LNPEP: variants seen among roughly 807,000 people sequenced by gnomAD.
The protein encoded by LNPEP is leucyl and cystinyl aminopeptidase, also known as leucyl-cystinyl aminopeptidase.
LNPEP carries 64 observed loss-of-function variants against 120.6 expected under a neutral mutation model. The observed-to-expected ratio is 0.53, with a 90% CI of 0.43 to 0.65. The LOEUF is 0.65. Ranked by LOEUF, LNPEP falls within the 30% of genes least tolerant of loss-of-function variation. LNPEP has a pLI of 0.00. For missense variants in LNPEP, 1,057 were observed against 1,200.0 expected (o/e 0.88, Z 1.76); for synonymous variants, 435 against 425.4 (o/e 1.02, Z -0.28).
intron 7 of LNPEP, among the ~76,000 whole-genome samples, chr5:96,996,717 A>C (rs1457056729): frequency 6.6e-6 from 1 of 152,132 alleles, no homozygotes; most frequent in Non-Finnish European, 1.5e-5. Flanking sequence ...AACTGAAATT[A>C]TATAAGATTA....
chr5:97,010,757 A>G (rs2112653906), intron 11 of LNPEP: 1 of 985,354 alleles, frequency 1.0e-6, no homozygotes, highest in South Asian at 4.7e-5. Context: ...TAATCTGTTG[A>G]TGACTATAGT....
chr5:96,984,657 T>C (rs181988039), intron 2 of LNPEP, among the ~76,000 whole-genome samples: 196 of 152,374 alleles, frequency 1.3e-3, no homozygotes, highest in African/African-American at 4.6e-3. Flanking sequence ...GCTTTTAATA[T>C]TTAACTTAAC....
At chr5:97,025,716 A>T (rs533992868) in intron 15 of LNPEP, among the ~76,000 whole-genome samples, 3 of 152,222 alleles carry the variant, frequency 2.0e-5, no homozygotes, top group African/African-American at 7.2e-5. Flanking sequence ...TTTAAAAACC[A>T]TATTAGGTTT....
Position 96,993,969 on chromosome 5 carries a change from C to G in LNPEP, c.1405C>G (p.Gln469Glu). The G allele has an allele frequency of 6.2e-7, 1 of 1,613,488 alleles. No individual in the cohort carries two copies. Among genetic ancestry groups the G allele is most frequent in the Non-Finnish European group, 8.5e-7 (1 of 1,179,556 alleles). ...AATCATTGCTCATGAGCTGGCCCAC[C>G]AGGTATTAGCAACCAAGGCTGTTCT... Reference protein sequence around the residue: ...TKIIAHELAHQWFGNLVTMKW... With the variant: ...TKIIAHELAHEWFGNLVTMKW... Residue 469 changes from glutamine to glutamate, a missense_variant and splice_region_variant, in exon 6 of 18, where the codon CAG (glutamine) becomes GAG (glutamate). By Grantham distance (29) the Gln-to-Glu change is conservative (BLOSUM62 2). Transcript: ENST00000231368.
At chr5:96,981,027 A>G (rs1357411674) in intron 2 of LNPEP, among the ~76,000 whole-genome samples, 1 of 152,168 alleles carries the variant, frequency 6.6e-6, no homozygotes, top group Non-Finnish European at 1.5e-5. Context: ...CAAATGTATA[A>G]TTGCAATGGG....
At chr5:96,946,228 A>G (rs916255276) in intron 1 of LNPEP, among the ~76,000 whole-genome samples, 1 of 152,192 alleles carries the variant, frequency 6.6e-6, no homozygotes, top group African/African-American at 2.4e-5. Context: ...TGAACAATAG[A>G]GTATTGGGTA....
Position 97,024,647 on chromosome 5 carries a change from A to G in LNPEP, c.2688A>G (p.Ala896=), listed in dbSNP as rs1431047436. The change falls in exon 15 of 18, where the codon GCA becomes GCG. Residue 896 remains alanine (A), a synonymous_variant. Transcript: ENST00000231368. ...SEAEKNKILE[A]LASSEDVRKL... ...CAGAGAAGAACAAAATACTAGAAGC[A>G]CTTGCCAGCTCAGAGGATGTGCGGA... is the stretch of plus-strand genomic sequence containing the variant. 1 of 1,614,078 alleles carries G rather than the reference A, an allele frequency of 6.2e-7. No individual in the cohort carries two copies. Among genetic ancestry groups the G allele is most frequent in the Admixed American group, 1.7e-5 (1 of 60,026 alleles).
At chr5:96,978,687 A>G (rs146608136) in intron 1 of LNPEP, among the ~76,000 whole-genome samples, 3 of 152,266 alleles carry the variant, frequency 2.0e-5, no homozygotes, top group East Asian at 1.9e-4. Context: ...CTGGGATTGC[A>G]GTGCCCAAAC....
chr5:97,024,152 A>G (rs1221675445), intron 14 of LNPEP, among the ~76,000 whole-genome samples: 3 of 152,226 alleles, frequency 2.0e-5, no homozygotes, highest in Non-Finnish European at 4.4e-5. Flanking sequence ...ATTTACTGCT[A>G]TAGTTCTACC....
intron 8 of LNPEP, among the ~76,000 whole-genome samples, chr5:97,001,683 C>T (rs150725010): frequency 0.016 from 2,413 of 152,012 alleles, 25 homozygotes; most frequent in Middle Eastern, 0.034. Flanking sequence ...TAGACGAGAC[C>T]GAGAAGGATG....
chr5:97,000,793 T>TG (rs1790631191), intron 8 of LNPEP, among the ~76,000 whole-genome samples: 1 of 152,200 alleles, frequency 6.6e-6, no homozygotes, highest in Admixed American at 6.5e-5. Flanking sequence ...GCAGTGAGTA[T>TG]GACTATATGC....
chr5:96,956,679 C>T (rs1006387608), intron 1 of LNPEP, among the ~76,000 whole-genome samples: 5 of 151,902 alleles, frequency 3.3e-5, no homozygotes, highest in Non-Finnish European at 7.4e-5. Flanking sequence ...TGTCTTTTAC[C>T]GTATTTGTGA....
intron 1 of LNPEP, among the ~76,000 whole-genome samples, chr5:96,959,424 T>C (rs1789546633): frequency 6.6e-6 from 1 of 152,206 alleles, no homozygotes; most frequent in South Asian, 2.1e-4. Context: ...TTTGTTGTAG[T>C]CTTTTGTGGG....
chr5:96,986,674 T>C lies in LNPEP; in HGVS notation c.1131+4T>C. 5 of 1,612,998 alleles carry C rather than the reference T, an allele frequency of 3.1e-6. No individual in the cohort carries two copies. The highest frequency in any genetic ancestry group is 4.2e-6 in the Non-Finnish European group (5 of 1,179,290). On this transcript the variant is annotated splice_donor_region_variant and intron_variant, in intron 4 of 17. Coordinates refer to ENST00000231368, the MANE Select transcript of LNPEP (RefSeq NM_005575.3). ...TCAGGACGTAAATGGAACCCTGGTA[T>C]GTTGATGTGGTAATTGTCTGAAAGC... is the stretch of plus-strand genomic sequence containing the variant.
At chr5:96,953,569 C>T (rs1789374381) in intron 1 of LNPEP, among the ~76,000 whole-genome samples, 1 of 152,174 alleles carries the variant, frequency 6.6e-6, no homozygotes, top group African/African-American at 2.4e-5. Context: ...TACAAAAGGA[C>T]ATTCACTCCC....
Position 96,996,796 on chromosome 5 carries a change from GTTC to G in LNPEP, c.1521+298_1521+300del, listed in dbSNP as rs776812887. Among the ~76,000 whole-genome samples the G allele has an allele frequency of 1.1e-4, 17 of 151,974 alleles. No homozygotes were observed. In the South Asian group the frequency reaches 2.3e-3, roughly 20 times the overall value. On this transcript the variant is annotated intron_variant, in intron 7 of 17. Transcript: ENST00000231368. Reference sequence around the variant, plus strand: ...CAACATTTTCTTTTAAACAGCTATAGTTCTTCTGCTTGCAGGAATTTAAAGTTG... The same window carrying G: ...CAACATTTTCTTTTAAACAGCTATAGTTCTGCTTGCAGGAATTTAAAGTTG...
chr5:96,949,896 A>AGTCT (rs1454519700), intron 1 of LNPEP, among the ~76,000 whole-genome samples: 8 of 152,346 alleles, frequency 5.3e-5, no homozygotes, highest in South Asian at 4.1e-4. Flanking sequence ...GAGGTCAGTC[A>AGTCT]GTCTGTCTAT....
At chr5:97,021,956 G>C (rs1791212223) in intron 13 of LNPEP, among the ~76,000 whole-genome samples, 1 of 104,542 alleles carries the variant, frequency 9.6e-6, no homozygotes, top group African/African-American at 3.8e-5. Context: ...TTTTGAGGCA[G>C]AGTCTTGCTC....
intron 6 of LNPEP, 149 bp from the exon 7 acceptor site, chr5:96,996,241 G>T (rs1362972001): frequency 4.2e-6 from 2 of 480,388 alleles, no homozygotes; most frequent in East Asian, 3.5e-5. Flanking sequence ...AAATTAATTT[G>T]AATATAGTTT....
Sources: allele counts gnomAD v4.1 joint callset (sites outside exome capture counted in the v4.1 genomes callset), GRCh38; gene constraint gnomAD v4.1.1; transcripts MANE v1.5; gene names NCBI Gene and HGNC (gene_info 2026-07-23, HGNC 2026-07-21).